Variants in GALNTL6 observed in about 807,000 individuals in gnomAD.
GALNTL6 encodes the protein polypeptide N-acetylgalactosaminyltransferase like 6.
In GALNTL6, 46 loss-of-function variants were observed where a neutral mutation model predicts 73.7. The observed-to-expected ratio is 0.62, with a 90% CI of 0.49 to 0.80. The LOEUF (loss-of-function observed/expected upper bound fraction) is 0.80. Ranked by LOEUF, GALNTL6 falls within the 30% of genes least tolerant of loss-of-function variation. GALNTL6 has a pLI of 0.00. For synonymous variants in GALNTL6, 259 were observed against 263.7 expected (o/e 0.98, Z 0.17); for missense variants, 604 against 755.0 (o/e 0.80, Z 2.34).
chr4:172,474,295 C>G (rs887597991), intron 5 of GALNTL6, among the ~76,000 whole-genome samples: 17 of 152,202 alleles, frequency 1.1e-4, no homozygotes, highest in Middle Eastern at 3.2e-3. Context: ...CCCACCCTGT[C>G]TCCACCCTAG....
chr4:172,219,788 C>T (rs926416792), intron 2 of GALNTL6, among the ~76,000 whole-genome samples: 8 of 151,736 alleles, frequency 5.3e-5, no homozygotes, highest in African/African-American at 1.5e-4. Context: ...TTTCTTCCTC[C>T]GAACACTGTA....
In GALNTL6 at chr4:172,754,369, A is replaced by G. The variant is rs182402092; in HGVS notation, c.554-54992A>G. Among the ~76,000 whole-genome samples, 201 of 152,224 alleles carry G rather than the reference A, an allele frequency of 1.3e-3. 1 individual carries two copies. Among genetic ancestry groups the G allele is most frequent in the African/African-American group, 4.6e-3 (192 of 41,552 alleles). ...TTGGATCACCTGAGGTCAGGAGTTC[A>G]AGACAAGCCTGGCCAACATGGTGAA... On this transcript the variant is annotated intron_variant, in intron 5 of 12. Transcript: ENST00000506823.
In GALNTL6 at chr4:172,466,227, G is replaced by A. The variant is rs116240378; in HGVS notation, c.553+117538G>A. Among the ~76,000 whole-genome samples, 1,399 of 152,046 alleles carry A rather than the reference G, an allele frequency of 9.2e-3. 13 individuals carry two copies. The highest frequency in any genetic ancestry group is 0.029 in the African/African-American group (1,210 of 41,496). On this transcript the variant is annotated intron_variant, in intron 5 of 12. Coordinates refer to ENST00000506823, the MANE Select transcript of GALNTL6 (RefSeq NM_001034845.3). ...GCTAAGACATCACTTCCTAAAAAGC[G>A]TTTCTTTTACATAAATAAAATATAA...
At chr4:172,902,860 C>T (rs1052849391) in intron 8 of GALNTL6, among the ~76,000 whole-genome samples, 1 of 152,146 alleles carries the variant, frequency 6.6e-6, no homozygotes, top group African/African-American at 2.4e-5. Context: ...TACAACGTGC[C>T]AACCCTGGGC....
chr4:172,458,956 A>G (rs1158017772), intron 5 of GALNTL6, among the ~76,000 whole-genome samples: 1 of 152,200 alleles, frequency 6.6e-6, no homozygotes, highest in Non-Finnish European at 1.5e-5. Context: ...TCGATGTGAA[A>G]ATCCTCAATA....
intron 5 of GALNTL6, among the ~76,000 whole-genome samples, chr4:172,452,294 C>CGT (rs1315987388): frequency 6.6e-6 from 1 of 151,494 alleles, no homozygotes; most frequent in African/African-American, 2.4e-5. Flanking sequence ...CACACATACA[C>CGT]GTATTTTCAC....
chr4:172,005,041 C>T (rs112456968), intron 2 of GALNTL6, among the ~76,000 whole-genome samples: 4 of 152,102 alleles, frequency 2.6e-5, no homozygotes, highest in Admixed American at 6.5e-5. Flanking sequence ...ATGCCAACCA[C>T]AAATTGTACT....
chr4:172,388,902 ATAAGC>A (rs1229566216), intron 5 of GALNTL6, among the ~76,000 whole-genome samples: 2 of 152,108 alleles, frequency 1.3e-5, no homozygotes, highest in Non-Finnish European at 1.5e-5. Context: ...CCATTTAAAA[ATAAGC>A]AACCAGAAAA....
intron 2 of GALNTL6, among the ~76,000 whole-genome samples, chr4:171,849,169 G>A (rs1424344790): frequency 1.3e-5 from 2 of 152,186 alleles, no homozygotes; most frequent in African/African-American, 4.8e-5. Flanking sequence ...GATTTAAGCT[G>A]AAAGACATGC....
intron 8 of GALNTL6, among the ~76,000 whole-genome samples, chr4:172,929,894 G>A (rs902123113): frequency 6.6e-6 from 1 of 152,158 alleles, no homozygotes; most frequent in African/African-American, 2.4e-5. Context: ...TAGAAGATCT[G>A]TTATATAAAA....
chr4:172,847,410 G>A (rs1466335215), intron 7 of GALNTL6, among the ~76,000 whole-genome samples: 1 of 151,940 alleles, frequency 6.6e-6, no homozygotes, highest in Non-Finnish European at 1.5e-5. Context: ...TAAGACACGT[G>A]CACAAATGAG....
chr4:172,024,121 T>C (rs1031967015), intron 2 of GALNTL6, among the ~76,000 whole-genome samples: 19 of 151,910 alleles, frequency 1.3e-4, no homozygotes, highest in Admixed American at 1.1e-3. Context: ...AATGTATGCA[T>C]GAATTCTTCT....
intron 2 of GALNTL6, among the ~76,000 whole-genome samples, chr4:171,900,115 C>T (rs965175388): frequency 6.6e-6 from 1 of 151,950 alleles, no homozygotes; most frequent in Admixed American, 6.6e-5. Context: ...TATTTTCTTC[C>T]TCTAAACAGA....
intron 2 of GALNTL6, among the ~76,000 whole-genome samples, chr4:172,035,226 A>G (rs1426089004): frequency 6.6e-6 from 1 of 152,128 alleles, no homozygotes; most frequent in African/African-American, 2.4e-5. Context: ...CATAGAAAAC[A>G]TGTAAAGTTT....
intron 5 of GALNTL6, among the ~76,000 whole-genome samples, chr4:172,770,426 CA>C (rs1443435063): frequency 6.6e-6 from 1 of 151,904 alleles, no homozygotes; most frequent in African/African-American, 2.4e-5. Context: ...TCAACAATAG[CA>C]AAAAAGTCTA....
At chr4:172,931,073 G>T (rs1307315536) in intron 8 of GALNTL6, 88 bp from the exon 9 acceptor site, 4 of 781,712 alleles carry the variant, frequency 5.1e-6, no homozygotes, top group South Asian at 1.5e-5. Context: ...GACTTTTAGA[G>T]ATTTTAAGAT....
At position 172,919,159 on chromosome 4, in the gene GALNTL6, T is replaced by G. The variant is rs147875054; in HGVS notation, c.1042-12002T>G. On this transcript the variant is annotated intron_variant, in intron 8 of 12. Coordinates refer to ENST00000506823, the MANE Select transcript of GALNTL6 (RefSeq NM_001034845.3). Reference sequence around the variant, plus strand: ...GAGTTTTTAAATGTGGATATTTGACTTGCAAGAAGACAGAAACCCACCTCA... The same window carrying G: ...GAGTTTTTAAATGTGGATATTTGACGTGCAAGAAGACAGAAACCCACCTCA... Among the ~76,000 whole-genome samples, 375 of 152,272 alleles carry G rather than the reference T, an allele frequency of 2.5e-3. 3 individuals are homozygous for G. Among genetic ancestry groups the G allele is most frequent in the Middle Eastern group, 6.9e-3 (2 of 290 alleles).
intron 5 of GALNTL6, among the ~76,000 whole-genome samples, chr4:172,349,813 G>A (rs539470798): frequency 1.9e-3 from 261 of 136,736 alleles, no homozygotes; most frequent in African/African-American, 6.5e-3. Flanking sequence ...GCGAGACTTC[G>A]TCTCAAATTA....
intron 5 of GALNTL6, among the ~76,000 whole-genome samples, chr4:172,396,322 T>A (rs1051723565): frequency 4.0e-5 from 6 of 151,668 alleles, no homozygotes; most frequent in African/African-American, 1.2e-4. Context: ...TTTTCTTTTT[T>A]TTTTTTTTAA....
Sources: allele counts gnomAD v4.1 joint callset (sites outside exome capture counted in the v4.1 genomes callset), GRCh38; gene constraint gnomAD v4.1.1; transcripts MANE v1.5; gene names NCBI Gene and HGNC (gene_info 2026-07-23, HGNC 2026-07-21).